Variants in QTMAN observed in about 807,000 individuals in gnomAD.
QTMAN encodes tRNA-queuosine alpha-mannosyltransferase.
chr2:144,163,019 A>C, the QTMAN span, among the ~76,000 whole-genome samples: 1 of 152,220 alleles, frequency 6.6e-6, no homozygotes, highest in Non-Finnish European at 1.5e-5. Flanking sequence ...AGAGACTACA[A>C]AACAAACCCG....
At chr2:144,176,994 G>A in the QTMAN span, 1 of 572,058 alleles carries the variant, frequency 1.7e-6, no homozygotes, top group Non-Finnish European at 3.1e-6. Flanking sequence ...GTCTTACATG[G>A]TCAGAGCAGG....
chr2:144,288,138 G>T, the QTMAN span, among the ~76,000 whole-genome samples: 24 of 151,842 alleles, frequency 1.6e-4, no homozygotes, highest in Admixed American at 3.3e-4. Context: ...CAAAGTGCTG[G>T]GATTACAGGC....
At chr2:144,066,848 A>C in the QTMAN span, among the ~76,000 whole-genome samples, 1 of 152,364 alleles carries the variant, frequency 6.6e-6, no homozygotes, top group South Asian at 2.1e-4. Flanking sequence ...ATGTCTAAAA[A>C]GTACTTTAAA....
chr2:144,297,378 TACTC>T, the QTMAN span, among the ~76,000 whole-genome samples: 1 of 152,084 alleles, frequency 6.6e-6, no homozygotes, highest in Non-Finnish European at 1.5e-5. Flanking sequence ...CTATTACACT[TACTC>T]AAGAATAAAT....
chr2:143,952,073 G>A, the QTMAN span: 12 of 1,583,770 alleles, frequency 7.6e-6, no homozygotes, highest in Admixed American at 1.7e-4. Context: ...CAGATATTCA[G>A]CTGCAGGAAA....
chr2:144,274,294 C>T, the QTMAN span, among the ~76,000 whole-genome samples: 15 of 152,128 alleles, frequency 9.9e-5, no homozygotes, highest in African/African-American at 3.6e-4. Flanking sequence ...TTGTAATTTC[C>T]TGAGTGATAG....
the QTMAN span, chr2:143,970,672 T>C: frequency 1.9e-6 from 3 of 1,597,596 alleles, no homozygotes; most frequent in African/African-American, 1.3e-5. Flanking sequence ...CTGTGAAGGT[T>C]TCTCCAAGTA....
the QTMAN span, among the ~76,000 whole-genome samples, chr2:144,310,673 A>T: frequency 6.6e-6 from 1 of 152,228 alleles, no homozygotes; most frequent in South Asian, 2.1e-4. Context: ...AGTTAACATG[A>T]ACTACTGAGA....
At chr2:144,081,987 T>A in the QTMAN span, among the ~76,000 whole-genome samples, 1 of 152,106 alleles carries the variant, frequency 6.6e-6, no homozygotes, top group Non-Finnish European at 1.5e-5. Flanking sequence ...TCCTAGGCTC[T>A]GGTGATTCTC....
At chr2:144,095,906 A>C in the QTMAN span, among the ~76,000 whole-genome samples, 1 of 152,166 alleles carries the variant, frequency 6.6e-6, no homozygotes. Flanking sequence ...TGTGTTACAT[A>C]CACAAGTTTC....
chr2:144,091,473 CA>C, the QTMAN span, among the ~76,000 whole-genome samples: 1 of 151,948 alleles, frequency 6.6e-6, no homozygotes, highest in Non-Finnish European at 1.5e-5. Context: ...AAAGACAAGG[CA>C]AAGAATAGAG....
At chr2:143,957,120 G>A in the QTMAN span, 7 of 1,168,960 alleles carry the variant, frequency 6.0e-6, no homozygotes, top group Non-Finnish European at 7.1e-6. Flanking sequence ...TGTATTATTT[G>A]AAATAACAGC....
At chr2:144,299,417 A>T in the QTMAN span, among the ~76,000 whole-genome samples, 1 of 152,136 alleles carries the variant, frequency 6.6e-6, no homozygotes, top group African/African-American at 2.4e-5. Context: ...CTGGTGCCTC[A>T]ATTCAAAGTT....
At chr2:144,301,407 G>A in the QTMAN span, among the ~76,000 whole-genome samples, 1 of 152,138 alleles carries the variant, frequency 6.6e-6, no homozygotes, top group Non-Finnish European at 1.5e-5. Context: ...ACTTTTAGTA[G>A]AGACAGAGTT....
At chr2:143,981,010 CTCCTTG>C in the QTMAN span, among the ~76,000 whole-genome samples, 1 of 152,218 alleles carries the variant, frequency 6.6e-6, no homozygotes, top group African/African-American at 2.4e-5. Flanking sequence ...TTCTCTGCCA[CTCCTTG>C]TCCACTACTT....
the QTMAN span, among the ~76,000 whole-genome samples, chr2:144,313,268 T>G: frequency 2.0e-5 from 3 of 152,206 alleles, no homozygotes; most frequent in Non-Finnish European, 4.4e-5. Flanking sequence ...GTGAACCAAG[T>G]CTATTCTCTT....
the QTMAN span, among the ~76,000 whole-genome samples, chr2:144,308,641 A>G: frequency 1.3e-5 from 2 of 152,296 alleles, no homozygotes; most frequent in Admixed American, 1.3e-4. Context: ...AAACACAGAA[A>G]ATCTTTTACA....
the QTMAN span, among the ~76,000 whole-genome samples, chr2:144,157,459 T>C: frequency 6.6e-6 from 1 of 151,966 alleles, no homozygotes; most frequent in Non-Finnish European, 1.5e-5. Context: ...CTTCTTCCTT[T>C]TTCTCTGCTT....
the QTMAN span, among the ~76,000 whole-genome samples, chr2:144,235,036 G>A: frequency 6.6e-6 from 1 of 152,132 alleles, no homozygotes; most frequent in Non-Finnish European, 1.5e-5. Context: ...GCATTATTTT[G>A]CTCCTCGCTG....
Sources: gnomAD v4.1 joint callset for allele counts (sites outside exome capture counted in the v4.1 genomes callset) on GRCh38, gnomAD v4.1.1 for gene constraint, MANE v1.5 for transcripts, NCBI Gene and HGNC (gene_info 2026-07-23, HGNC 2026-07-21) for gene names.